NEK4: variants seen among roughly 807,000 people sequenced by gnomAD.
NEK4 encodes NIMA related kinase 4.
A neutral mutation model predicts 98.4 loss-of-function variants in NEK4; 86 were observed. The ratio of observed to expected loss-of-function variants is 0.87; its 90% CI spans 0.73 to 1.05. The LOEUF is 1.05. Among genes scored for constraint, NEK4 ranks in the 50% least tolerant of loss-of-function variants. The probability of loss-of-function intolerance (pLI) is 0.00; values close to 1 mark genes in which losing one functional copy is unlikely to be tolerated. For missense variants in NEK4, 898 were observed against 950.3 expected (o/e 0.94, Z 0.72); for synonymous variants, 328 against 342.2 (o/e 0.96, Z 0.46).
rs924415213 is a variant in NEK4, at chr3:52,743,573, A to C, written c.1895-112T>G. 7 of 729,322 alleles carry C rather than the reference A, an allele frequency of 9.6e-6. No individual in the cohort carries two copies. In the Admixed American group the frequency reaches 1.4e-4, roughly 14 times the overall value. The allele number at this position is 729,322 out of a possible 1,614,324, so 45.2% of individuals were successfully genotyped here. ...GCAGGAGCTAGCCCAAAAGTAAGTCAAACAGCATATTTATCATTTCTCTGG... is the reference window on the plus strand; with the variant it reads ...GCAGGAGCTAGCCCAAAAGTAAGTCCAACAGCATATTTATCATTTCTCTGG... On this transcript the variant is annotated intron_variant, in intron 11 of 15. Transcript: ENST00000233027.
intron 6 of NEK4, among the ~76,000 whole-genome samples, chr3:52,758,641 A>G (rs567960309): frequency 6.6e-6 from 1 of 152,056 alleles, no homozygotes; most frequent in African/African-American, 2.4e-5. Context: ...AAAACAAAAG[A>G]AATTTTTAAA....
intron 3 of NEK4, 34 bp from the exon 4 acceptor site, chr3:52,766,028 A>C: frequency 1.3e-6 from 2 of 1,486,478 alleles, no homozygotes; most frequent in Non-Finnish European, 1.9e-6. Flanking sequence ...GTTAAATGTC[A>C]GAATAGCTTA....
chr3:52,744,304 T>A lies in NEK4; in HGVS notation c.1829A>T (p.Asp610Val). 6.2e-7 allele frequency: 1 copy of A among 1,612,898 alleles called. No homozygotes were observed. Among genetic ancestry groups the A allele is most frequent in the Non-Finnish European group, 8.5e-7 (1 of 1,178,890 alleles). Residue 610 changes from aspartate (D) to valine (V), a missense_variant and splice_region_variant, in exon 11 of 16, where the codon GAT (aspartate) becomes GTT (valine). By Grantham distance (152) the Asp-to-Val change is radical. Coordinates refer to ENST00000233027, the MANE Select transcript of NEK4 (RefSeq NM_003157.6). Reference sequence around the variant, plus strand: ...CCTCTCTCTGGCTGATAATGGTCGATCCTTTAAAAGAAAGTCACAGAGTCA... The same window carrying A: ...CCTCTCTCTGGCTGATAATGGTCGAACCTTTAAAAGAAAGTCACAGAGTCA... ...SRSSEMSSSK[D>V]RPLSARERRR...
At chr3:52,717,465 G>A (rs2097356154) in intron 15 of NEK4, among the ~76,000 whole-genome samples, 1 of 151,146 alleles carries the variant, frequency 6.6e-6, no homozygotes, top group Non-Finnish European at 1.5e-5. Context: ...ACCATAAAGT[G>A]AAGATTCCAT....
At chr3:52,739,139 C>G (rs921413848) in intron 14 of NEK4, among the ~76,000 whole-genome samples, 4 of 152,192 alleles carry the variant, frequency 2.6e-5, no homozygotes, top group Non-Finnish European at 5.9e-5. Flanking sequence ...GTGGCTCACA[C>G]CTGTAATCCC....
chr3:52,767,067 T>TGAGGCCAGGAGTTC (rs1351374663), intron 2 of NEK4, among the ~76,000 whole-genome samples: 1 of 151,766 alleles, frequency 6.6e-6, no homozygotes, highest in East Asian at 1.9e-4. Context: ...GCGGATCACT[T>TGAGGCCAGGAGTTC]GAGGCCAGGA....
In NEK4 at chr3:52,752,900, C is replaced by CAAAAAAA. The variant is rs71087016; in HGVS notation, c.964-571_964-565dup. 2.6e-3 allele frequency among the ~76,000 whole-genome samples: 130 copies of CAAAAAAA among 49,594 alleles called. 4 individuals are homozygous for CAAAAAAA. Among genetic ancestry groups the CAAAAAAA allele is most frequent in the African/African-American group, 6.4e-3 (79 of 12,318 alleles). 32.5% of individuals were successfully genotyped at this position (49,594 alleles called of 152,430 possible). A position where few individuals can be genotyped will look rare whatever the true frequency, so the allele number is the denominator to read the frequency against. ...GGGCAACAGGAGTGAAACCCTGCCTCAAAAAAAAAAAAAAAAAATATATAT... is the reference window on the plus strand; with the variant it reads ...GGGCAACAGGAGTGAAACCCTGCCTCAAAAAAAAAAAAAAAAAAAAAAAAATATATAT... On this transcript the variant is annotated intron_variant, in intron 6 of 15. Coordinates refer to ENST00000233027, the MANE Select transcript of NEK4 (RefSeq NM_003157.6).
rs558086151 is a variant in NEK4 at position 52,753,579 on chromosome 3, T to C, written c.964-1243A>G. Reference sequence around the variant, plus strand: ...GCTCTACATGGAAACGATCTGAAGCTGAAAACATTGGCAGGGGATGCAAAA... The same window carrying C: ...GCTCTACATGGAAACGATCTGAAGCCGAAAACATTGGCAGGGGATGCAAAA... On this transcript the variant is annotated intron_variant, in intron 6 of 15. Transcript: ENST00000233027. The C allele has an allele frequency of 1.4e-5, 8 of 556,998 alleles. No homozygotes were observed. The African/African-American group carries it at 1.5e-4, about 11-fold the overall frequency. 34.5% of individuals were successfully genotyped at this position (556,998 alleles called of 1,614,324 possible).
At chr3:52,767,208 C>T (rs1313393912) in intron 2 of NEK4, among the ~76,000 whole-genome samples, 1 of 151,158 alleles carries the variant, frequency 6.6e-6, no homozygotes, top group Non-Finnish European at 1.5e-5. Flanking sequence ...ATCACTTGAA[C>T]CCAGGAGGTG....
At chr3:52,741,272 T>C (rs941207599) in intron 13 of NEK4, 139 bp downstream of exon 13, 10 of 529,278 alleles carry the variant, frequency 1.9e-5, no homozygotes, top group Non-Finnish European at 3.3e-5. Context: ...GAGACACTTT[T>C]AGCTCCAGCA....
intron 15 of NEK4, among the ~76,000 whole-genome samples, chr3:52,728,231 C>T (rs1307635298): frequency 6.6e-6 from 1 of 152,200 alleles, no homozygotes; most frequent in African/African-American, 2.4e-5. Context: ...AAATAATTAG[C>T]TGCACGTGGT....
chr3:52,727,664 G>A (rs1392648837), intron 15 of NEK4, among the ~76,000 whole-genome samples: 1 of 152,012 alleles, frequency 6.6e-6, no homozygotes, highest in East Asian at 1.9e-4. Flanking sequence ...GTAGAGACAG[G>A]GTTTCACAGG....
At chr3:52,723,263 AAG>A (rs1217166311) in intron 15 of NEK4, among the ~76,000 whole-genome samples, 6 of 151,898 alleles carry the variant, frequency 4.0e-5, no homozygotes, top group Admixed American at 3.3e-4. Context: ...AAAAGAAAAA[AAG>A]AATTTTTTTT....
Position 52,744,225 on chromosome 3 carries a change from G to A in NEK4, c.1894+14C>T, listed in dbSNP as rs1435515981. 1 of 1,602,958 alleles carries A rather than the reference G, an allele frequency of 6.2e-7. No homozygotes were observed. The highest frequency in any genetic ancestry group is 1.1e-5 in the South Asian group (1 of 90,848). On this transcript the variant is annotated intron_variant, in intron 11 of 15. Coordinates refer to ENST00000233027, the MANE Select transcript of NEK4 (RefSeq NM_003157.6). ...CTAACTGCCAATTAGATGAAGAAAA[G>A]AAGTCAACTTTACCTGAAGAGGACA... is the stretch of plus-strand genomic sequence containing the variant.
chr3:52,761,639 G>A (rs1475477912), intron 5 of NEK4, among the ~76,000 whole-genome samples: 1 of 151,998 alleles, frequency 6.6e-6, no homozygotes, highest in African/African-American at 2.4e-5. Context: ...AATGCATTAG[G>A]GTATGTAATC....
rs573967168 is a variant in NEK4 at position 52,760,589 on chromosome 3, C to A, written c.963+206G>T. On this transcript the variant is annotated intron_variant, in intron 6 of 15. Coordinates refer to ENST00000233027, the MANE Select transcript of NEK4 (RefSeq NM_003157.6). ...TAAAAAATTCTTAAAGTTATTACAG[C>A]ACTGACTTTGTGAACAATTTGACAG... Among the ~76,000 whole-genome samples the A allele has an allele frequency of 2.6e-5, 4 of 152,342 alleles. 1 individual carries two copies. The South Asian group carries it at 8.3e-4, about 32-fold the overall frequency.
chr3:52,747,764 G>A (rs1051903722), intron 8 of NEK4, among the ~76,000 whole-genome samples: 4 of 150,060 alleles, frequency 2.7e-5, no homozygotes, highest in African/African-American at 9.9e-5. Flanking sequence ...GAGCAACAGA[G>A]TGAGACCTCC....
Position 52,763,568 on chromosome 3 carries a change from C to T in NEK4, c.723G>A (p.Met241Ile). 3 of 1,613,952 alleles carry T rather than the reference C, an allele frequency of 1.9e-6. No homozygotes were observed. The East Asian group carries it at 6.7e-5, about 36-fold the overall frequency. The change falls in exon 5 of 16, where the codon ATG becomes ATA. Residue 241 changes from methionine to isoleucine, a missense_variant. Transcript: ENST00000233027. Reference protein sequence around the residue: ...SPELAELIRTMLSKRPEERPS... With the variant: ...SPELAELIRTILSKRPEERPS... ...GCCTTTCTTCAGGCCTTTTGCTCAG[C>T]ATTGTTCTTATCAGTTCTGCCAGCT...
At chr3:52,741,030 C>T (rs1001699400) in intron 13 of NEK4, among the ~76,000 whole-genome samples, 6 of 151,550 alleles carry the variant, frequency 4.0e-5, no homozygotes, top group South Asian at 2.1e-4. Flanking sequence ...GTCAGGAGAT[C>T]GAGACCATCC....
Sources: gnomAD v4.1 joint callset for allele counts (sites outside exome capture counted in the v4.1 genomes callset) on GRCh38, gnomAD v4.1.1 for gene constraint, MANE v1.5 for transcripts, NCBI Gene and HGNC (gene_info 2026-07-23, HGNC 2026-07-21) for gene names.